OARD1: variants seen among roughly 807,000 people sequenced by gnomAD.
OARD1 encodes the protein ADP-ribose glycohydrolase OARD1.
OARD1 carries 19 observed loss-of-function variants against 19.7 expected under a neutral mutation model. That is an observed-to-expected ratio of 0.96 (90% CI 0.67 to 1.41). OARD1 has a LOEUF of 1.41. Ranked by LOEUF, OARD1 falls within the 40% of genes most tolerant of loss-of-function variation. The probability of loss-of-function intolerance (pLI) is 0.00; values close to 1 mark genes in which losing one functional copy is unlikely to be tolerated. For synonymous variants in OARD1, 70 were observed against 61.8 expected (o/e 1.13, Z -0.62); for missense variants, 190 against 183.8 (o/e 1.03, Z -0.20).
chr6:41,079,140 C>G lies in OARD1; in HGVS notation c.-41-7465G>C, dbSNP rs529132251. The G allele has an allele frequency of 5.0e-6, 8 of 1,614,172 alleles. No individual in the cohort carries two copies. In the East Asian group the frequency reaches 1.6e-4, roughly 31 times the overall value. ...ATAGTTCGACAGAGCAGATTGTTGT[C>G]CAGGCAGGACAGATTCAGCAGCAGG... On this transcript the variant is annotated intron_variant, in intron 1 of 4. Transcript: ENST00000480585.
intron 1 of OARD1, chr6:41,097,333 T>C: frequency 6.2e-7 from 1 of 1,613,502 alleles, no homozygotes. Context: ...AGGACTTTAA[T>C]CATCATGTCA....
intron 1 of OARD1, among the ~76,000 whole-genome samples, chr6:41,079,548 T>G (rs1003249860): frequency 9.9e-5 from 15 of 152,216 alleles, no homozygotes; most frequent in African/African-American, 3.6e-4. Context: ...AATCTTCTGT[T>G]TTTTGATTTG....
At chr6:41,077,322 A>C (rs1763765906), upstream of OARD1, among the ~76,000 whole-genome samples, 1 of 152,178 alleles carries the variant, frequency 6.6e-6, no homozygotes, top group African/African-American at 2.4e-5. Flanking sequence ...CTGCTACCAC[A>C]ATGAAGATAT....
chr6:41,071,417 G>T, intron 2 of OARD1, 141 bp from the exon 3 acceptor site: 2 of 1,009,740 alleles, frequency 2.0e-6, no homozygotes, highest in Non-Finnish European at 3.0e-6. Context: ...ACCAATTACA[G>T]CATGTGTAAA....
At chr6:41,073,512 G>A (rs1275406487), upstream of OARD1, among the ~76,000 whole-genome samples, 2 of 151,960 alleles carry the variant, frequency 1.3e-5, no homozygotes, top group Non-Finnish European at 2.9e-5. Flanking sequence ...ACCTGCCCTT[G>A]CACTCTCCAC....
In OARD1 at chr6:41,065,698, T is replaced by A. The variant is rs1762979164; in HGVS notation, c.*1637A>T. 1 of 152,210 alleles carries A rather than the reference T, an allele frequency of 6.6e-6. No homozygotes were observed. The highest frequency in any genetic ancestry group is 6.5e-5 in the Admixed American group (1 of 15,286). 9.4% of individuals were successfully genotyped at this position (152,210 alleles called of 1,614,324 possible). On this transcript the variant is annotated 3_prime_UTR_variant, in exon 6 of 6. Transcript: ENST00000424266. ...AAAGTGAAATACTTTTTTGAAACTG[T>A]TGCCTCTTATCAGGCTGATATGTGA... is the stretch of plus-strand genomic sequence containing the variant.
At chr6:41,072,704 G>A (rs1763536651), upstream of OARD1, 1 of 152,684 alleles carries the variant, frequency 6.5e-6, no homozygotes, top group Non-Finnish European at 1.5e-5. Context: ...AGCTGGCAAA[G>A]GGGCTAGTTA....
chr6:41,078,495 T>C (rs915900829), intron 1 of OARD1, among the ~76,000 whole-genome samples: 1 of 152,242 alleles, frequency 6.6e-6, no homozygotes, highest in Non-Finnish European at 1.5e-5. Flanking sequence ...ATCATTTTAA[T>C]TTTTTAATGA....
chr6:41,071,733 G>A (rs962385596), intron 1 of OARD1, 58 bp from the exon 2 acceptor site: 5 of 978,972 alleles, frequency 5.1e-6, no homozygotes, highest in Middle Eastern at 2.1e-4. Flanking sequence ...ATAATATTCT[G>A]ATTGCCCTGT....
At chr6:41,089,072 G>C (rs1268425034) in intron 1 of OARD1, among the ~76,000 whole-genome samples, 1 of 151,948 alleles carries the variant, frequency 6.6e-6, no homozygotes, top group Non-Finnish European at 1.5e-5. Context: ...TGCAACCTCC[G>C]CCTCCGGTTC....
intron 1 of OARD1, among the ~76,000 whole-genome samples, chr6:41,096,635 CTCAGATCCTGCCTACCAAGGCT>C (rs1226561552): frequency 6.6e-6 from 1 of 152,232 alleles, no homozygotes; most frequent in Admixed American, 6.5e-5. Flanking sequence ...TCAGCTTTTT[CTCAGATCCTGCCTACCAAGGCT>C]TCAGAGCCTT....
At chr6:41,097,419 C>T in intron 1 of OARD1, 2 of 1,613,776 alleles carry the variant, frequency 1.2e-6, no homozygotes, top group Non-Finnish European at 1.7e-6. Context: ...AACCCCACGC[C>T]ATGTGATGGA....
intron 1 of OARD1, chr6:41,091,673 C>G: frequency 2.5e-6 from 4 of 1,614,066 alleles, no homozygotes; most frequent in Non-Finnish European, 3.4e-6. Flanking sequence ...GCAATGTGGT[C>G]AATTCAGGAG....
upstream of OARD1, among the ~76,000 whole-genome samples, chr6:41,077,228 T>C (rs1046771096): frequency 2.0e-5 from 3 of 152,186 alleles, no homozygotes; most frequent in Non-Finnish European, 2.9e-5. Flanking sequence ...AAAATCAATT[T>C]ATTGAGAGAT....
intron 5 of OARD1, among the ~76,000 whole-genome samples, chr6:41,068,390 T>C (rs1763134304): frequency 6.6e-6 from 1 of 152,110 alleles, no homozygotes; most frequent in African/African-American, 2.4e-5. Flanking sequence ...CCAAAACAAG[T>C]GTGCAGTATA....
intron 1 of OARD1, among the ~76,000 whole-genome samples, chr6:41,088,154 C>A (rs1204451434): frequency 6.6e-6 from 1 of 152,058 alleles, no homozygotes; most frequent in African/African-American, 2.4e-5. Flanking sequence ...TGCGGTGGCC[C>A]ACACCTGTAA....
intron 1 of OARD1, chr6:41,090,430 A>G (rs957067155): frequency 3.7e-5 from 22 of 589,304 alleles, no homozygotes; most frequent in Admixed American, 8.8e-5. Flanking sequence ...GACAAAAAAA[A>G]AAAAGATTTC....
intron 1 of OARD1, chr6:41,092,831 AATGG>A (rs1764230955): frequency 6.8e-7 from 1 of 1,460,012 alleles, no homozygotes; most frequent in Non-Finnish European, 9.2e-7. Context: ...TTACAAAAAA[AATGG>A]ATGAAGAGGA....
intron 4 of OARD1, 147 bp from the exon 5 acceptor site, chr6:41,069,100 C>G: frequency 1.9e-6 from 1 of 536,946 alleles, no homozygotes; most frequent in Non-Finnish European, 3.3e-6. Context: ...TCATATTGCC[C>G]TTTCCACACT....
Sources: gnomAD v4.1 joint callset for allele counts (sites outside exome capture counted in the v4.1 genomes callset) on GRCh38, gnomAD v4.1.1 for gene constraint, MANE v1.5 for transcripts, NCBI Gene and HGNC (gene_info 2026-07-23, HGNC 2026-07-21) for gene names.